DSCAML1: variants seen among roughly 807,000 people sequenced by gnomAD.
DSCAML1 encodes DS cell adhesion molecule like 1.
A neutral mutation model predicts 200.5 loss-of-function variants in DSCAML1; 38 were observed. That is an observed-to-expected ratio of 0.19 (90% CI 0.15 to 0.25). The LOEUF (loss-of-function observed/expected upper bound fraction) is 0.25. Among genes scored for constraint, DSCAML1 ranks in the 10% least tolerant of loss-of-function variants. The pLI, the probability that DSCAML1 is intolerant of heterozygous loss-of-function variation, is 1.00. For synonymous variants in DSCAML1, 1,215 were observed against 1,165.0 expected, an observed-to-expected ratio of 1.04 and a Z score of -0.87; for missense variants, 2,223 against 2,858.8, an observed-to-expected ratio of 0.78 and a Z score of 5.07.
Position 117,518,783 on chromosome 11 carries a change from C to A in DSCAML1, c.1214-21G>T. The stretch of plus-strand genomic sequence containing the variant: ...GCCATCTGCAGGGAGCGAGAAGCCC[C>A]CTTCAGGGTCACCAAGCCATGGAGA... On this transcript the variant is annotated intron_variant, in intron 6 of 32. Coordinates refer to ENST00000651296, the MANE Select transcript of DSCAML1 (RefSeq NM_020693.4). This position sits in a 1 kb window ranked among gnomAD's most constrained non-coding sequence, Gnocchi z 6.3. 1 of 1,600,416 alleles carries A rather than the reference C, an allele frequency of 6.2e-7. No individual in the cohort carries two copies. The highest frequency in any genetic ancestry group is 2.2e-5 in the East Asian group (1 of 44,712).
intron 8 of DSCAML1, among the ~76,000 whole-genome samples, chr11:117,506,689 A>G (rs1422443693): frequency 6.6e-6 from 1 of 151,224 alleles, no homozygotes; most frequent in Non-Finnish European, 1.5e-5. Flanking sequence ...CTGGGAATGC[A>G]GGTATACACC....
intron 3 of DSCAML1, among the ~76,000 whole-genome samples, chr11:117,622,592 G>C (rs940696293): frequency 6.6e-6 from 1 of 152,170 alleles, no homozygotes; most frequent in African/African-American, 2.4e-5. Context: ...CTCCACTCCA[G>C]AGTCCTGGAG....
intron 3 of DSCAML1, among the ~76,000 whole-genome samples, chr11:117,635,709 C>CA (rs201471803): frequency 0.027 from 4,097 of 150,162 alleles, 189 homozygotes; most frequent in African/African-American, 0.094. Context: ...AGGGAGAAGG[C>CA]AAAAAAAGGG....
At chr11:117,584,176 T>C (rs745331782) in intron 3 of DSCAML1, among the ~76,000 whole-genome samples, 1 of 152,228 alleles carries the variant, frequency 6.6e-6, no homozygotes, top group Admixed American at 6.5e-5. Flanking sequence ...GACTGACTCA[T>C]GCTTGCCTCA....
At chr11:117,554,129 T>C (rs187385359) in intron 3 of DSCAML1, among the ~76,000 whole-genome samples, 227 of 152,180 alleles carry the variant, frequency 1.5e-3, no homozygotes, top group African/African-American at 5.3e-3. Flanking sequence ...GAAAGAAGAA[T>C]GGTGGTTTCC....
intron 3 of DSCAML1, among the ~76,000 whole-genome samples, chr11:117,557,209 G>GT (rs1297233686): frequency 6.6e-6 from 1 of 152,198 alleles, no homozygotes; most frequent in Non-Finnish European, 1.5e-5. Context: ...CAGGAAGAAG[G>GT]TGCAGAGGCA....
In DSCAML1 at chr11:117,516,715, C is replaced by T. The variant is rs370308260; in HGVS notation, c.1535G>A (p.Arg512Gln). ...CCGCCCGGCGACTGCTGTGATGTTC[C>T]GCATAGCCCGGATGCTGGGTGGGCC... ...VRGPPSIRAM[R>Q]NITAVAGRDT... The change falls in exon 8 of 33, where the codon CGG (arginine) becomes CAG (glutamine). Residue 512 changes from arginine to glutamine, a missense_variant. Physicochemically the swap from Arg to Gln is conservative, Grantham distance 43 (BLOSUM62 1). This residue lies in a region of DSCAML1 where 212 missense variants were observed against 368.0 expected (regional missense o/e 0.58). Coordinates refer to ENST00000651296, the MANE Select transcript of DSCAML1 (RefSeq NM_020693.4). This position sits in a 1 kb window ranked among gnomAD's most constrained non-coding sequence, Gnocchi z 5.7. 66 of 1,613,496 alleles carry T rather than the reference C, an allele frequency of 4.1e-5. No homozygotes were observed. The highest frequency in any genetic ancestry group is 1.0e-4 in the Admixed American group (6 of 59,980).
chr11:117,582,545 A>G (rs867136670), intron 3 of DSCAML1, among the ~76,000 whole-genome samples: 5 of 152,248 alleles, frequency 3.3e-5, no homozygotes, highest in Admixed American at 6.5e-5. Context: ...TTAAATGCTT[A>G]TGCCTAAGGA....
chr11:117,735,710 A>G (rs974151834), intron 3 of DSCAML1, among the ~76,000 whole-genome samples: 5 of 152,232 alleles, frequency 3.3e-5, no homozygotes, highest in African/African-American at 1.2e-4. Flanking sequence ...AAGAGAGACC[A>G]TAATAAAGCA....
chr11:117,461,408 G>T (rs538802007), intron 18 of DSCAML1, 42 bp downstream of exon 18: 1 of 1,613,278 alleles, frequency 6.2e-7, no homozygotes, highest in East Asian at 2.2e-5. Flanking sequence ...ACTGACCTGC[G>T]CCTCTCCCCT....
intron 3 of DSCAML1, among the ~76,000 whole-genome samples, chr11:117,591,986 G>T (rs552728679): frequency 1.4e-4 from 21 of 152,300 alleles, no homozygotes; most frequent in Admixed American, 2.0e-4. Flanking sequence ...AAGGACCACA[G>T]GCCTTGGCAG....
intron 3 of DSCAML1, among the ~76,000 whole-genome samples, chr11:117,684,453 A>G (rs1041437149): frequency 6.8e-5 from 10 of 146,600 alleles, no homozygotes; most frequent in African/African-American, 2.6e-4. Context: ...AAAAAAAAAA[A>G]AAAAAAAGAA....
At chr11:117,701,321 G>C (rs997504224) in intron 3 of DSCAML1, among the ~76,000 whole-genome samples, 1 of 152,128 alleles carries the variant, frequency 6.6e-6, no homozygotes, top group Non-Finnish European at 1.5e-5. Flanking sequence ...AGAGGCAACT[G>C]GGGGGCAGGG....
chr11:117,583,021 G>A (rs866687636), intron 3 of DSCAML1, among the ~76,000 whole-genome samples: 2 of 24,884 alleles, frequency 8.0e-5, no homozygotes, highest in Admixed American at 7.2e-4. Context: ...TATTATTATT[G>A]TAGCACTAGC....
intron 3 of DSCAML1, among the ~76,000 whole-genome samples, chr11:117,756,376 A>G (rs1204630658): frequency 6.6e-6 from 1 of 152,192 alleles, no homozygotes; most frequent in Non-Finnish European, 1.5e-5. Flanking sequence ...CTGAGGAAAC[A>G]TTTGGTCAGC....
intron 3 of DSCAML1, among the ~76,000 whole-genome samples, chr11:117,533,407 T>C (rs1445644218): frequency 1.3e-5 from 2 of 152,196 alleles, no homozygotes; most frequent in African/African-American, 4.8e-5. Flanking sequence ...CTGCATGGAA[T>C]TATACATAAG....
Position 117,458,647 on chromosome 11 carries a change from C to G in DSCAML1, c.3568+107G>C, listed in dbSNP as rs2048420118. The G allele has an allele frequency of 2.1e-6, 3 of 1,403,722 alleles. No homozygotes were observed. In the Admixed American group the frequency reaches 6.2e-5, roughly 29 times the overall value. 87.0% of individuals were successfully genotyped at this position (1,403,722 alleles called of 1,614,324 possible). ...AGGCTACTCTCCCACAGTTTGAAGGCCAGGAGAAAGGACAGTACCCTGCTC... is the reference window on the plus strand; with the variant it reads ...AGGCTACTCTCCCACAGTTTGAAGGGCAGGAGAAAGGACAGTACCCTGCTC... On this transcript the variant is annotated intron_variant, in intron 19 of 32. Transcript: ENST00000651296.
chr11:117,659,082 A>G (rs2052789699), intron 3 of DSCAML1, among the ~76,000 whole-genome samples: 2 of 152,316 alleles, frequency 1.3e-5, no homozygotes, highest in African/African-American at 2.4e-5. Flanking sequence ...CTGGGTGAGC[A>G]CTGCTGCTAT....
At chr11:117,608,659 G>T (rs1193528282) in intron 3 of DSCAML1, among the ~76,000 whole-genome samples, 1 of 152,130 alleles carries the variant, frequency 6.6e-6, no homozygotes, top group African/African-American at 2.4e-5. Flanking sequence ...TGGGTATTTT[G>T]ACTATGTCTG....
Sources: gnomAD v4.1 joint callset for allele counts (sites outside exome capture counted in the v4.1 genomes callset) on GRCh38, gnomAD v4.1.1 for gene constraint, gnomAD v4.1.1 regional missense constraint, Gnocchi (gnomAD v3.1) non-coding constraint, MANE v1.5 for transcripts, NCBI Gene and HGNC (gene_info 2026-07-23, HGNC 2026-07-21) for gene names.